The following KCNIP1 variants were observed in gnomAD, a reference collection of about 807,000 sequenced individuals.
KCNIP1 encodes potassium voltage-gated channel interacting protein 1.
In KCNIP1, 18 loss-of-function variants were observed where a neutral mutation model predicts 33.0. The observed-to-expected ratio is 0.55, with a 90% confidence interval of 0.38 to 0.81. The LOEUF (loss-of-function observed/expected upper bound fraction) is 0.81, where lower values mean the gene tolerates loss of function less well. Among genes scored for constraint, KCNIP1 ranks in the 30% least tolerant of loss-of-function variants. KCNIP1 has a pLI of 0.00. For missense variants in KCNIP1, 238 were observed against 271.6 expected, an observed-to-expected ratio of 0.88 and a Z score of 0.87; for synonymous variants, 93 against 98.3, an observed-to-expected ratio of 0.95 and a Z score of 0.32.
intron 1 of KCNIP1, among the ~76,000 whole-genome samples, chr5:170,562,326 A>C (rs1170059639): frequency 6.6e-6 from 1 of 152,208 alleles, no homozygotes; most frequent in Admixed American, 6.5e-5. Flanking sequence ...GGCAATGGGC[A>C]CAGCAGCTTC....
chr5:170,598,902 CGCGTGTGTGTGTGT>C (rs1292694702), intron 1 of KCNIP1, among the ~76,000 whole-genome samples: 1 of 50,430 alleles, frequency 2.0e-5, no homozygotes, highest in Non-Finnish European at 4.3e-5. Context: ...TGTGTGTGTG[CGCGTGTGTGTGTGT>C]GTGTGTGTGT....
intron 1 of KCNIP1, among the ~76,000 whole-genome samples, chr5:170,555,743 A>C (rs532542170): frequency 6.6e-6 from 1 of 152,112 alleles, no homozygotes; most frequent in East Asian, 1.9e-4. Context: ...TGTCTGTCCC[A>C]CAGAGTCTTC....
chr5:170,353,777 G>C (rs1022431926), exon 1 of KCNIP1: 4 of 1,041,064 alleles, frequency 3.8e-6, no homozygotes, highest in Non-Finnish European at 5.8e-6. Flanking sequence ...CCGTCACTCA[G>C]GGTTCATTCA....
intron 1 of KCNIP1, among the ~76,000 whole-genome samples, chr5:170,471,604 G>A (rs1756729960): frequency 6.6e-6 from 1 of 152,204 alleles, no homozygotes; most frequent in Non-Finnish European, 1.5e-5. Context: ...CCACATGCCA[G>A]TCTGCAAGGC....
At chr5:170,514,255 AGCTGCCT>A (rs1755042767) in intron 1 of KCNIP1, among the ~76,000 whole-genome samples, 1 of 152,222 alleles carries the variant, frequency 6.6e-6, no homozygotes, top group Non-Finnish European at 1.5e-5. Context: ...TGAAGCTCCC[AGCTGCCT>A]GGGGGAAGCT....
chr5:170,392,092 G>A (rs911829833), intron 1 of KCNIP1, among the ~76,000 whole-genome samples: 2 of 152,146 alleles, frequency 1.3e-5, no homozygotes, highest in African/African-American at 2.4e-5. Context: ...ACACGCTCTC[G>A]GGACATGTAC....
At chr5:170,366,757 A>C (rs1355952004) in intron 1 of KCNIP1, among the ~76,000 whole-genome samples, 2 of 152,188 alleles carry the variant, frequency 1.3e-5, no homozygotes, top group Non-Finnish European at 2.9e-5. Context: ...ACAGGGATGG[A>C]GGGTAGCCTG....
chr5:170,385,300 G>T (rs370015231), intron 1 of KCNIP1: 29 of 1,613,882 alleles, frequency 1.8e-5, no homozygotes, highest in Non-Finnish European at 2.4e-5. Flanking sequence ...GGGCAGGCCG[G>T]GAGAGCTCAG....
chr5:170,660,924 A>C (rs1015261358), intron 1 of KCNIP1, among the ~76,000 whole-genome samples: 1 of 152,250 alleles, frequency 6.6e-6, no homozygotes, highest in African/African-American at 2.4e-5. Context: ...GGTTTGGGAT[A>C]TATCTTAGAG....
intron 1 of KCNIP1, among the ~76,000 whole-genome samples, chr5:170,685,469 G>T (rs560087414): frequency 2.0e-5 from 3 of 150,492 alleles, no homozygotes; most frequent in East Asian, 2.0e-4. Flanking sequence ...CTTGTATTTT[G>T]TAGTCTATTA....
At chr5:170,431,202 C>T (rs1274780748) in intron 1 of KCNIP1, among the ~76,000 whole-genome samples, 3 of 152,230 alleles carry the variant, frequency 2.0e-5, no homozygotes, top group Non-Finnish European at 2.9e-5. Context: ...GCTAGGCTGG[C>T]GGAGGAGCCA....
chr5:170,465,636 CAA>C (rs1561638315), intron 1 of KCNIP1, among the ~76,000 whole-genome samples: 1 of 152,054 alleles, frequency 6.6e-6, no homozygotes, highest in Non-Finnish European at 1.5e-5. Context: ...CACACAAACA[CAA>C]AGAGAGAGAC....
At chr5:170,378,913 C>T (rs371074179) in intron 1 of KCNIP1, 7 of 1,614,218 alleles carry the variant, frequency 4.3e-6, no homozygotes, top group Non-Finnish European at 5.9e-6. Flanking sequence ...TTGGCTCTGA[C>T]CTTCTCCACG....
chr5:170,614,582 C>A (rs1240509283), intron 1 of KCNIP1, among the ~76,000 whole-genome samples: 1 of 152,166 alleles, frequency 6.6e-6, no homozygotes, highest in Non-Finnish European at 1.5e-5. Context: ...TTTTTTCACA[C>A]GTGCATTCCC....
chr5:170,597,459 C>A (rs1373771039), intron 1 of KCNIP1, among the ~76,000 whole-genome samples: 1 of 152,100 alleles, frequency 6.6e-6, no homozygotes, highest in Non-Finnish European at 1.5e-5. Context: ...TCCCTCCATG[C>A]CAGCCAACCC....
At chr5:170,534,900 C>T (rs899682882) in intron 1 of KCNIP1, among the ~76,000 whole-genome samples, 2 of 151,908 alleles carry the variant, frequency 1.3e-5, no homozygotes, top group Non-Finnish European at 2.9e-5. Flanking sequence ...GCCCGGGAGA[C>T]TTGCCTCCTG....
intron 1 of KCNIP1, among the ~76,000 whole-genome samples, chr5:170,628,853 T>TGGCCCCC (rs1377748807): frequency 6.6e-6 from 1 of 152,210 alleles, no homozygotes; most frequent in Non-Finnish European, 1.5e-5. Context: ...GTTGCAGCTT[T>TGGCCCCC]GGCCCCCAGC....
At chr5:170,503,802 C>T (rs1754574432), upstream of KCNIP1, among the ~76,000 whole-genome samples, 1 of 151,244 alleles carries the variant, frequency 6.6e-6, no homozygotes, top group African/African-American at 2.4e-5. Flanking sequence ...ATCTACTGCC[C>T]CCTGAACCTC....
chr5:170,387,300 G>T (rs989511841), intron 1 of KCNIP1, among the ~76,000 whole-genome samples: 1 of 152,074 alleles, frequency 6.6e-6, no homozygotes, highest in Admixed American at 6.5e-5. Context: ...GCCAGTGTCC[G>T]GGTGACAGGC....
Sources: allele counts gnomAD v4.1 joint callset (sites outside exome capture counted in the v4.1 genomes callset), GRCh38; gene constraint gnomAD v4.1.1; transcripts MANE v1.5; gene names NCBI Gene and HGNC (gene_info 2026-07-23, HGNC 2026-07-21).